Variants in CDKAL1 observed in about 807,000 individuals in gnomAD.
CDKAL1 encodes the protein threonylcarbamoyladenosine tRNA methylthiotransferase.
Under a neutral mutation model 68.2 loss-of-function variants are expected in CDKAL1, and 32 were observed. The observed-to-expected ratio is 0.47, with a 90% CI of 0.35 to 0.63. The LOEUF is 0.63. CDKAL1 is among the 30% of genes least tolerant of loss of function. The pLI is 0.00. For missense variants in CDKAL1, 606 were observed against 696.7 expected (o/e 0.87, Z 1.47); for synonymous variants, 234 against 244.3 (o/e 0.96, Z 0.39).
chr6:20,811,785 TAAAA>T (rs370931927), intron 8 of CDKAL1, among the ~76,000 whole-genome samples: 26 of 103,576 alleles, frequency 2.5e-4, no homozygotes, highest in Admixed American at 4.0e-4. Flanking sequence ...TACCTAGTAG[TAAAA>T]AAAAAAAAAA....
intron 4 of CDKAL1, among the ~76,000 whole-genome samples, chr6:20,640,677 A>G (rs1209134503): frequency 1.3e-5 from 2 of 152,290 alleles, no homozygotes; most frequent in African/African-American, 2.4e-5. Flanking sequence ...GTTTTTAGAT[A>G]TTGTCTACAT....
At chr6:20,601,263 T>C (rs576878164) in intron 4 of CDKAL1, among the ~76,000 whole-genome samples, 1 of 152,176 alleles carries the variant, frequency 6.6e-6, no homozygotes, top group Non-Finnish European at 1.5e-5. Context: ...TAATTATAGC[T>C]TCATCCAATG....
At chr6:20,719,323 T>TTTAA (rs1316997849) in intron 5 of CDKAL1, among the ~76,000 whole-genome samples, 2 of 152,236 alleles carry the variant, frequency 1.3e-5, no homozygotes, top group Non-Finnish European at 2.9e-5. Context: ...TTGAAAGCTC[T>TTTAA]TTAATAGTAA....
chr6:20,648,690 A>T (rs1432501142), intron 4 of CDKAL1, among the ~76,000 whole-genome samples: 1 of 152,242 alleles, frequency 6.6e-6, no homozygotes, highest in South Asian at 2.1e-4. Flanking sequence ...CAACTGAAGT[A>T]TGCAAGAGGC....
At chr6:20,578,505 C>T (rs1045526407) in intron 4 of CDKAL1, among the ~76,000 whole-genome samples, 4 of 152,122 alleles carry the variant, frequency 2.6e-5, no homozygotes, top group African/African-American at 9.7e-5. Context: ...TGTATAAATT[C>T]GATTTGCTTC....
chr6:20,967,987 C>T (rs191776946), intron 10 of CDKAL1, among the ~76,000 whole-genome samples: 1 of 152,068 alleles, frequency 6.6e-6, no homozygotes, highest in Non-Finnish European at 1.5e-5. Context: ...CTGAGGATCC[C>T]TTATCTATAA....
At chr6:21,051,590 C>G (rs1240688397) in intron 11 of CDKAL1, among the ~76,000 whole-genome samples, 2 of 152,034 alleles carry the variant, frequency 1.3e-5, no homozygotes, top group African/African-American at 4.8e-5. Context: ...GCATTTTCCC[C>G]CTTTCTCATG....
chr6:21,207,217 T>A (rs920019334), intron 15 of CDKAL1, among the ~76,000 whole-genome samples: 15 of 127,566 alleles, frequency 1.2e-4, no homozygotes, highest in African/African-American at 4.8e-4. Flanking sequence ...CCGGCCTACT[T>A]TAAATTTTTT....
intron 9 of CDKAL1, among the ~76,000 whole-genome samples, chr6:20,885,639 G>C (rs1219428911): frequency 1.3e-5 from 2 of 151,910 alleles, no homozygotes; most frequent in African/African-American, 2.4e-5. Context: ...AGCAACAAAA[G>C]AAAAAATAGA....
intron 5 of CDKAL1, among the ~76,000 whole-genome samples, chr6:20,692,942 C>T (rs190280757): frequency 6.6e-5 from 10 of 151,584 alleles, no homozygotes; most frequent in African/African-American, 7.3e-5. Flanking sequence ...CTGGCTAACA[C>T]GGTGAAACCC....
intron 6 of CDKAL1, among the ~76,000 whole-genome samples, chr6:20,751,517 T>A (rs1773924541): frequency 6.6e-6 from 1 of 152,236 alleles, no homozygotes. Flanking sequence ...TTGCAGAAGG[T>A]CCTGCTGACA....
At chr6:20,856,350 A>G (rs1179086518) in intron 9 of CDKAL1, among the ~76,000 whole-genome samples, 2 of 152,220 alleles carry the variant, frequency 1.3e-5, no homozygotes, top group East Asian at 3.8e-4. Context: ...ACCCATAATG[A>G]AAAAGTAGTA....
chr6:20,647,365 C>T (rs943306301), intron 4 of CDKAL1, among the ~76,000 whole-genome samples: 8 of 152,152 alleles, frequency 5.3e-5, no homozygotes, highest in Non-Finnish European at 1.0e-4. Flanking sequence ...ATTGGAGAAG[C>T]GCCATATGCA....
intron 5 of CDKAL1, among the ~76,000 whole-genome samples, chr6:20,713,943 A>G (rs1281457038): frequency 6.6e-6 from 1 of 152,140 alleles, no homozygotes; most frequent in African/African-American, 2.4e-5. Flanking sequence ...CTTTGATCAT[A>G]TTTGGACTTT....
intron 12 of CDKAL1, among the ~76,000 whole-genome samples, chr6:21,099,477 A>G (rs9356762): frequency 0.26 from 39,526 of 151,988 alleles, 5,239 homozygotes; most frequent in South Asian, 0.33. Context: ...ATCACAGACT[A>G]CACAAAAGGC....
intron 12 of CDKAL1, among the ~76,000 whole-genome samples, chr6:21,094,980 G>A (rs1773245655): frequency 6.6e-6 from 1 of 152,112 alleles, no homozygotes; most frequent in Non-Finnish European, 1.5e-5. Flanking sequence ...CATGTTGTGT[G>A]TTAAACCAAC....
chr6:20,845,071 C>T (rs929130353), intron 8 of CDKAL1, among the ~76,000 whole-genome samples: 1 of 152,174 alleles, frequency 6.6e-6, no homozygotes, highest in Non-Finnish European at 1.5e-5. Flanking sequence ...TATTTGACTG[C>T]TGAGTACAGT....
chr6:20,793,521 A>G (rs935069031), intron 8 of CDKAL1, among the ~76,000 whole-genome samples: 18 of 152,168 alleles, frequency 1.2e-4, no homozygotes, highest in African/African-American at 3.1e-4. Context: ...AGTCTTCTGT[A>G]TAAGTGAGTT....
chr6:20,652,999 A>G (rs1454820756), intron 5 of CDKAL1, among the ~76,000 whole-genome samples: 1 of 152,086 alleles, frequency 6.6e-6, no homozygotes, highest in African/African-American at 2.4e-5. Flanking sequence ...TTATCTGTTG[A>G]ACTTATACTG....
Sources: gnomAD v4.1 joint callset for allele counts (sites outside exome capture counted in the v4.1 genomes callset) on GRCh38, gnomAD v4.1.1 for gene constraint, MANE v1.5 for transcripts, NCBI Gene and HGNC (gene_info 2026-07-23, HGNC 2026-07-21) for gene names.